The following FAAH2 variants were observed in gnomAD, a reference collection of about 807,000 sequenced individuals.
FAAH2 encodes fatty acid amide hydrolase 2, also known as fatty-acid amide hydrolase 2.
FAAH2 carries 60 observed loss-of-function variants against 36.9 expected under a neutral mutation model. That is an observed-to-expected ratio of 1.63 (90% CI 1.32 to 2.02). FAAH2 has a LOEUF of 2.02. Ranked by LOEUF, FAAH2 falls within the 30% of genes most tolerant of loss-of-function variation. The probability of loss-of-function intolerance (pLI) is 0.00; values close to 1 mark genes in which losing one functional copy is unlikely to be tolerated. For synonymous variants in FAAH2, 214 were observed against 143.8 expected, an observed-to-expected ratio of 1.49 and a Z score of -3.49; for missense variants, 689 against 397.5, an observed-to-expected ratio of 1.73 and a Z score of -6.23.
chrX:57,321,127 G>A (rs1012741005), intron 3 of FAAH2, among the ~76,000 whole-genome samples: 10 of 96,999 alleles, frequency 1.0e-4, no homozygotes, highest in African/African-American at 2.9e-4. Context: ...GTGACAGAGC[G>A]AGACTCCATC....
chrX:57,215,472 C>T, the FAAH2 span, among the ~76,000 whole-genome samples: 1 of 111,333 alleles, frequency 9.0e-6, no homozygotes, highest in Non-Finnish European at 1.9e-5. Flanking sequence ...TGGGTATATA[C>T]CCAAAGGAAT....
chrX:57,465,296 T>A (rs1397057725), intron 10 of FAAH2, among the ~76,000 whole-genome samples: 1 of 111,461 alleles, frequency 9.0e-6, no homozygotes, highest in Admixed American at 9.6e-5. Context: ...ATATGGAGAA[T>A]TCCAGAACGG....
At chrX:57,398,619 GGGGGTT>G (rs1299292330) in intron 7 of FAAH2, among the ~76,000 whole-genome samples, 1 of 110,367 alleles carries the variant, frequency 9.1e-6, no homozygotes, top group Non-Finnish European at 1.9e-5. Context: ...GTGACCCAAA[GGGGGTT>G]GTCGCTGCCG....
chrX:57,357,540 C>A (rs1472661124), intron 5 of FAAH2, among the ~76,000 whole-genome samples: 1 of 111,796 alleles, frequency 8.9e-6, no homozygotes, highest in African/African-American at 3.2e-5. Flanking sequence ...TGAATAGAGA[C>A]TTCTCAAAAG....
intron 8 of FAAH2, among the ~76,000 whole-genome samples, chrX:57,432,828 T>C (rs915392264): frequency 1.8e-5 from 2 of 111,572 alleles, no homozygotes; most frequent in African/African-American, 6.5e-5. Context: ...ACTTAGCTAT[T>C]CTGCAGTTTA....
intron 8 of FAAH2, among the ~76,000 whole-genome samples, chrX:57,444,312 ATG>A (rs1274683454): frequency 8.9e-6 from 1 of 111,809 alleles, no homozygotes. Context: ...GCAATGGCGG[ATG>A]CCCCTCCCCC....
At chrX:57,166,769 G>A in the FAAH2 span, among the ~76,000 whole-genome samples, 9 of 111,841 alleles carry the variant, frequency 8.0e-5, no homozygotes, top group Admixed American at 4.7e-4. Context: ...ATCATATTGA[G>A]TTCACTATCT....
the FAAH2 span, among the ~76,000 whole-genome samples, chrX:57,216,624 GTATA>G: frequency 1.7e-5 from 1 of 57,795 alleles, no homozygotes; most frequent in African/African-American, 5.3e-5. Context: ...ATATATATAC[GTATA>G]TATATATACG....
intron 3 of FAAH2, 121 bp from the exon 4 acceptor site, chrX:57,331,477 C>T (rs531438228): frequency 5.5e-6 from 3 of 548,194 alleles, no homozygotes; most frequent in African/African-American, 2.3e-5. Context: ...CTTTCCAATG[C>T]CCCAACCCTT....
chrX:57,303,306 G>GT (rs1335904700), intron 2 of FAAH2, among the ~76,000 whole-genome samples: 1 of 111,622 alleles, frequency 9.0e-6, no homozygotes, highest in Non-Finnish European at 1.9e-5. Context: ...TCTTCTCATT[G>GT]TTTTTCTGAT....
chrX:57,465,330 C>CA (rs1298794297), intron 10 of FAAH2, among the ~76,000 whole-genome samples: 1 of 110,809 alleles, frequency 9.0e-6, no homozygotes, highest in African/African-American at 3.3e-5. Context: ...AAAGATGAAT[C>CA]AAAAAAAGTT....
chrX:57,376,900 T>A (rs2054695669), intron 5 of FAAH2, among the ~76,000 whole-genome samples: 1 of 112,710 alleles, frequency 8.9e-6, no homozygotes, highest in Non-Finnish European at 1.9e-5. Context: ...ATTTCTCTAA[T>A]GACCAGTGAT....
chrX:57,368,367 G>A (rs2054471616), intron 5 of FAAH2, among the ~76,000 whole-genome samples: 1 of 110,570 alleles, frequency 9.0e-6, no homozygotes, highest in Non-Finnish European at 1.9e-5. Flanking sequence ...GCACAAGCTT[G>A]TGGGCAAGCT....
At chrX:57,266,119 T>C in the FAAH2 span, among the ~76,000 whole-genome samples, 1 of 111,869 alleles carries the variant, frequency 8.9e-6, no homozygotes, top group Non-Finnish European at 1.9e-5. Flanking sequence ...GCCAGACTAC[T>C]TTTTTAACCA....
At chrX:57,335,362 A>T (rs1413043766) in intron 4 of FAAH2, among the ~76,000 whole-genome samples, 3 of 111,902 alleles carry the variant, frequency 2.7e-5, no homozygotes, top group Non-Finnish European at 5.6e-5. Flanking sequence ...GGAGAGGGGG[A>T]TGTGGCAGGA....
chrX:57,395,779 A>T (rs2147283149), intron 7 of FAAH2, among the ~76,000 whole-genome samples: 1 of 112,156 alleles, frequency 8.9e-6, no homozygotes, highest in East Asian at 2.8e-4. Context: ...TTTATGCATC[A>T]GTATGCACCA....
chrX:57,428,891 TAA>T (rs1219263186), intron 7 of FAAH2, among the ~76,000 whole-genome samples: 1 of 112,123 alleles, frequency 8.9e-6, no homozygotes, highest in Non-Finnish European at 1.9e-5. Context: ...AAATGGGACT[TAA>T]ACTAAAGTGC....
chrX:57,363,926 C>T (rs1198531410), intron 5 of FAAH2, among the ~76,000 whole-genome samples: 1 of 105,234 alleles, frequency 9.5e-6, no homozygotes, highest in Non-Finnish European at 2.0e-5. Flanking sequence ...TAATTACCTT[C>T]TTTATATGCT....
chrX:57,327,919 A>C (rs1293175148), intron 3 of FAAH2, among the ~76,000 whole-genome samples: 1 of 109,846 alleles, frequency 9.1e-6, no homozygotes, highest in African/African-American at 3.3e-5. Context: ...TGGTGCTCTG[A>C]TTTTTAGAGT....
Sources: allele counts gnomAD v4.1 joint callset (sites outside exome capture counted in the v4.1 genomes callset), GRCh38; gene constraint gnomAD v4.1.1; transcripts MANE v1.5; gene names NCBI Gene and HGNC (gene_info 2026-07-23, HGNC 2026-07-21).